MYT1L: variants seen among roughly 807,000 people sequenced by gnomAD.
The protein encoded by MYT1L is myelin transcription factor 1-like protein.
A neutral mutation model predicts 126.7 loss-of-function variants in MYT1L; 12 were observed. The observed-to-expected ratio is 0.09, with a 90% CI of 0.06 to 0.15. The LOEUF is 0.15. Ranked by LOEUF, MYT1L falls within the 10% of genes least tolerant of loss-of-function variation. The pLI is 1.00. For synonymous variants in MYT1L, 541 were observed against 604.2 expected (o/e 0.90, Z 1.53); for missense variants, 979 against 1,585.2 (o/e 0.62, Z 6.49).
At chr2:2,163,984 G>A (rs1018612138) in intron 3 of MYT1L, among the ~76,000 whole-genome samples, 5 of 151,968 alleles carry the variant, frequency 3.3e-5, no homozygotes, top group African/African-American at 1.2e-4. Context: ...TTCTTGTAGT[G>A]AAAAATGACC....
intron 21 of MYT1L, among the ~76,000 whole-genome samples, chr2:1,837,198 C>T (rs1184606719): frequency 1.3e-5 from 2 of 152,204 alleles, no homozygotes; most frequent in Admixed American, 6.5e-5. Flanking sequence ...CAGCATTCAT[C>T]TGGCACCTGG....
intron 4 of MYT1L, among the ~76,000 whole-genome samples, chr2:2,053,663 A>G (rs1395149114): frequency 3.3e-5 from 5 of 152,170 alleles, no homozygotes; most frequent in Non-Finnish European, 5.9e-5. Context: ...GGCTTTGTAC[A>G]AGGGAGCTTC....
At chr2:2,060,901 T>C (rs1418550133) in intron 3 of MYT1L, among the ~76,000 whole-genome samples, 1 of 151,710 alleles carries the variant, frequency 6.6e-6, no homozygotes, top group Non-Finnish European at 1.5e-5. Context: ...TGCCAAATAA[T>C]GAGGTAGAAG....
intron 4 of MYT1L, among the ~76,000 whole-genome samples, chr2:2,030,087 TGTTTGTTTGTTTA>T (rs2066065653): frequency 6.6e-6 from 1 of 152,086 alleles, no homozygotes; most frequent in African/African-American, 2.4e-5. Context: ...GAATTGTTTT[TGTTTGTTTGTTTA>T]GTTTGTTTGT....
At chr2:2,222,667 A>G (rs950962574) in intron 2 of MYT1L, among the ~76,000 whole-genome samples, 19 of 152,262 alleles carry the variant, frequency 1.2e-4, no homozygotes, top group African/African-American at 3.9e-4. Context: ...CTAAGATGTA[A>G]GATGGACTCC....
intron 2 of MYT1L, among the ~76,000 whole-genome samples, chr2:2,220,161 C>G (rs376104228): frequency 6.6e-6 from 1 of 152,122 alleles, no homozygotes; most frequent in African/African-American, 2.4e-5. Context: ...TATGAGTGAC[C>G]ATGGCACGTG....
intron 2 of MYT1L, among the ~76,000 whole-genome samples, chr2:2,186,746 G>A (rs1016714115): frequency 1.3e-5 from 2 of 152,184 alleles, no homozygotes; most frequent in African/African-American, 4.8e-5. Context: ...TTAACAGATT[G>A]TTATAAAATT....
chr2:1,859,121 C>A (rs777874223), intron 18 of MYT1L, among the ~76,000 whole-genome samples: 4 of 152,114 alleles, frequency 2.6e-5, no homozygotes, highest in Non-Finnish European at 5.9e-5. Context: ...GTCTCCCATT[C>A]GGCTTGGTTT....
At chr2:2,057,497 AATAGCCACGCCCACTTCTGCCCTGCAC>A (rs1278619103) in intron 3 of MYT1L, among the ~76,000 whole-genome samples, 11 of 150,064 alleles carry the variant, frequency 7.3e-5, no homozygotes, top group African/African-American at 1.2e-4. Flanking sequence ...CCTTCCAATT[AATAGCCACGCCCACTTCTGCCCTGCAC>A]ATAGCCACCC....
Position 2,271,985 on chromosome 2 carries a change from C to T in MYT1L, c.-421+12419G>A, listed in dbSNP as rs560351588. 3.4e-4 allele frequency among the ~76,000 whole-genome samples: 52 copies of T among 152,288 alleles called. No homozygotes were observed. The Middle Eastern group carries it at 0.01, about 30-fold the overall frequency. On this transcript the variant is annotated intron_variant, in intron 2 of 24. Transcript: ENST00000647738. Reference sequence around the variant, plus strand: ...TGTCTTCATGATTCATTCTGCCTGTCGCTGTTAGACACTCACAGGCTACAC... The same window carrying T: ...TGTCTTCATGATTCATTCTGCCTGTTGCTGTTAGACACTCACAGGCTACAC...
At chr2:2,144,663 C>T (rs1201456237) in intron 3 of MYT1L, among the ~76,000 whole-genome samples, 1 of 152,096 alleles carries the variant, frequency 6.6e-6, no homozygotes, top group African/African-American at 2.4e-5. Flanking sequence ...CATGAAAGTC[C>T]AGCTATGTGG....
At chr2:1,987,647 C>T (rs946764799) in intron 5 of MYT1L, among the ~76,000 whole-genome samples, 4 of 152,180 alleles carry the variant, frequency 2.6e-5, no homozygotes, top group Admixed American at 1.3e-4. Flanking sequence ...TGAGCTGAGG[C>T]TGCGTGGGGA....
chr2:2,254,887 C>A (rs1167847456), intron 2 of MYT1L, among the ~76,000 whole-genome samples: 1 of 152,170 alleles, frequency 6.6e-6, no homozygotes, highest in African/African-American at 2.4e-5. Flanking sequence ...CCCTCTTCCC[C>A]AAACTTTTAC....
chr2:2,161,032 C>T (rs1001712330), intron 3 of MYT1L, among the ~76,000 whole-genome samples: 11 of 152,030 alleles, frequency 7.2e-5, no homozygotes, highest in Admixed American at 2.6e-4. Flanking sequence ...TCCTGCCCAA[C>T]GTGGTGAAAC....
intron 5 of MYT1L, among the ~76,000 whole-genome samples, chr2:1,995,560 T>C (rs1257106658): frequency 6.6e-6 from 1 of 152,176 alleles, no homozygotes; most frequent in Non-Finnish European, 1.5e-5. Context: ...GAACATTATG[T>C]TGTCAGCACA....
chr2:2,019,796 A>G (rs1558758833), intron 4 of MYT1L, among the ~76,000 whole-genome samples: 1 of 149,992 alleles, frequency 6.7e-6, no homozygotes, highest in Non-Finnish European at 1.5e-5. Context: ...TACTGTAAAT[A>G]TTCTTCTATT....
chr2:2,065,821 T>TACAC (rs1491240885), intron 3 of MYT1L, among the ~76,000 whole-genome samples: 81 of 119,718 alleles, frequency 6.8e-4, no homozygotes, highest in African/African-American at 2.7e-3. Flanking sequence ...CTCTCTCTTT[T>TACAC]ATACACACAC....
intron 1 of MYT1L, among the ~76,000 whole-genome samples, chr2:2,286,507 G>GA (rs1185660370): frequency 2.6e-5 from 4 of 151,938 alleles, no homozygotes; most frequent in Non-Finnish European, 5.9e-5. Flanking sequence ...CTAACAAATT[G>GA]AAAAAAAGAA....
intron 3 of MYT1L, among the ~76,000 whole-genome samples, chr2:2,118,136 A>C (rs2080477511): frequency 6.7e-6 from 1 of 149,884 alleles, no homozygotes; most frequent in Admixed American, 6.7e-5. Context: ...ATATTCAATA[A>C]TATTCAATAA....
Sources: gnomAD v4.1 joint callset for allele counts (sites outside exome capture counted in the v4.1 genomes callset) on GRCh38, gnomAD v4.1.1 for gene constraint, MANE v1.5 for transcripts, NCBI Gene and HGNC (gene_info 2026-07-23, HGNC 2026-07-21) for gene names.